SMARCC1: variants seen among roughly 807,000 people sequenced by gnomAD.
SMARCC1 encodes the protein SWI/SNF complex subunit SMARCC1.
In SMARCC1, 43 loss-of-function variants were observed where a neutral mutation model predicts 147.4. The ratio of observed to expected loss-of-function variants is 0.29; its 90% CI spans 0.23 to 0.38. SMARCC1 has a LOEUF of 0.38. Among genes scored for constraint, SMARCC1 ranks in the 10% least tolerant of loss-of-function variants. The probability of loss-of-function intolerance (pLI) is 1.00; values close to 1 mark genes in which losing one functional copy is unlikely to be tolerated. For synonymous variants in SMARCC1, 495 were observed against 484.4 expected (o/e 1.02, Z -0.29); for missense variants, 1,119 against 1,381.1 (o/e 0.81, Z 3.01).
chr3:47,710,657 A>G, intron 9 of SMARCC1, 26 bp downstream of exon 9: 1 of 1,610,294 alleles, frequency 6.2e-7, no homozygotes, highest in Non-Finnish European at 8.5e-7. Context: ...AGACTTAATG[A>G]TGAGAAACTG....
intron 22 of SMARCC1, among the ~76,000 whole-genome samples, chr3:47,638,185 C>T (rs950141269): frequency 6.6e-6 from 1 of 152,096 alleles, no homozygotes; most frequent in South Asian, 2.1e-4. Flanking sequence ...CTGTCTCTCC[C>T]GGGTTCACGC....
At chr3:47,674,513 T>C (rs2033544068) in intron 18 of SMARCC1, among the ~76,000 whole-genome samples, 2 of 152,248 alleles carry the variant, frequency 1.3e-5, no homozygotes, top group Admixed American at 6.5e-5. Flanking sequence ...TTATTGTTCT[T>C]TTGAATGTAA....
chr3:47,737,766 T>C (rs1354722439), intron 4 of SMARCC1, among the ~76,000 whole-genome samples: 1 of 151,658 alleles, frequency 6.6e-6, no homozygotes, highest in African/African-American at 2.4e-5. Context: ...CACCATTCTC[T>C]TGCCTCAGCC....
intron 26 of SMARCC1, among the ~76,000 whole-genome samples, chr3:47,600,802 T>C (rs985174957): frequency 5.3e-5 from 8 of 152,134 alleles, no homozygotes; most frequent in African/African-American, 1.9e-4. Flanking sequence ...TGGTGTCTGA[T>C]ATAGGTCTCA....
intron 11 of SMARCC1, 71 bp from the exon 12 acceptor site, chr3:47,693,371 T>A: frequency 1.2e-6 from 1 of 861,924 alleles, no homozygotes; most frequent in Admixed American, 1.9e-5. Flanking sequence ...GAAAACAGAA[T>A]AGGACATGAT....
chr3:47,680,544 C>CTTTTTTTTTTTTTTTTTTTTTTTTTTTT (rs34432748), intron 14 of SMARCC1, 36 bp from the exon 15 acceptor site: 1 of 320,580 alleles, frequency 3.1e-6, no homozygotes, highest in Non-Finnish European at 4.9e-6. Flanking sequence ...TAGGAGTGTT[C>CTTTTTTTTTTTTTTTTTTTTTTTTTTTT]TTTTTTTTTT....
intron 21 of SMARCC1, among the ~76,000 whole-genome samples, chr3:47,654,364 C>T (rs754070439): frequency 1.3e-5 from 2 of 152,162 alleles, no homozygotes; most frequent in Non-Finnish European, 2.9e-5. Flanking sequence ...ACTTCGCCTG[C>T]TAATTTCAGT....
At chr3:47,606,756 C>T (rs1430193767) in intron 26 of SMARCC1, among the ~76,000 whole-genome samples, 3 of 152,028 alleles carry the variant, frequency 2.0e-5, no homozygotes, top group African/African-American at 4.8e-5. Flanking sequence ...TGGAGTGTAA[C>T]GGTGCAGTGT....
chr3:47,619,179 G>A (rs2106681258), intron 25 of SMARCC1, among the ~76,000 whole-genome samples: 1 of 152,302 alleles, frequency 6.6e-6, no homozygotes. Context: ...AGCAGCATCT[G>A]TACAACTGCT....
Position 47,781,603 on chromosome 3 carries a change from C to T in SMARCC1, c.195G>A (p.Lys65=). 1 of 1,526,120 alleles carries T rather than the reference C, an allele frequency of 6.6e-7. No individual in the cohort carries two copies. Among genetic ancestry groups the T allele is most frequent in the Non-Finnish European group, 8.8e-7 (1 of 1,141,548 alleles). 94.5% of individuals were successfully genotyped at this position (1,526,120 alleles called of 1,614,324 possible). A position where few individuals can be genotyped will look rare whatever the true frequency, so the allele number is the denominator to read the frequency against. ...VRVWLGKHYK[K]YVHADAPTNK... is the part of the protein sequence containing the mutation. The stretch of plus-strand genomic sequence containing the variant: ...GGCCCCCACGGGCGCGCGAACCCAC[C>T]TTCTTGTAGTGCTTGCCCAGCCAGA... Residue 65 remains lysine (K), a splice_region_variant and synonymous_variant, in exon 1 of 28, where the codon AAG becomes AAA. Coordinates refer to ENST00000254480, the MANE Select transcript of SMARCC1 (RefSeq NM_003074.4).
chr3:47,597,982 T>C (rs2032318165), intron 26 of SMARCC1, among the ~76,000 whole-genome samples: 1 of 152,172 alleles, frequency 6.6e-6, no homozygotes, highest in African/African-American at 2.4e-5. Context: ...AGGGAAGGTA[T>C]AGAACTCCCA....
chr3:47,781,867 C>G lies in SMARCC1; in HGVS notation c.-70G>C. ...GCGGTGTTTCCCGGTCGTTCCCGCGCGCACCCCCGCGCGCGTAGCCGCCAC... is the reference window on the plus strand; with the variant it reads ...GCGGTGTTTCCCGGTCGTTCCCGCGGGCACCCCCGCGCGCGTAGCCGCCAC... On this transcript the variant is annotated 5_prime_UTR_variant, in exon 1 of 28. Coordinates refer to ENST00000254480, the MANE Select transcript of SMARCC1 (RefSeq NM_003074.4). 2.8e-6 allele frequency: 3 copies of G among 1,083,136 alleles called. No homozygotes were observed. Among genetic ancestry groups the G allele is most frequent in the South Asian group, 3.4e-5 (1 of 29,538 alleles). The allele number at this position is 1,083,136 out of a possible 1,614,324, so 67.1% of individuals were successfully genotyped here.
At chr3:47,728,661 C>CT (rs1349118278) in intron 6 of SMARCC1, among the ~76,000 whole-genome samples, 2 of 152,140 alleles carry the variant, frequency 1.3e-5, no homozygotes, top group African/African-American at 2.4e-5. Context: ...AAACCCAGCA[C>CT]TTTGGGAGGC....
chr3:47,644,023 TA>T (rs912974793), intron 21 of SMARCC1, among the ~76,000 whole-genome samples: 22 of 151,940 alleles, frequency 1.4e-4, no homozygotes, highest in Non-Finnish European at 4.4e-5. Flanking sequence ...TCCATATCTA[TA>T]AAAAAATTAA....
intron 24 of SMARCC1, among the ~76,000 whole-genome samples, chr3:47,634,854 A>T (rs1028450611): frequency 2.6e-5 from 4 of 152,248 alleles, no homozygotes; most frequent in Non-Finnish European, 5.9e-5. Flanking sequence ...GGTAGAAATT[A>T]TTGGAACAAT....
At chr3:47,680,407 TA>T in intron 15 of SMARCC1, 29 bp downstream of exon 15, 1 of 1,528,374 alleles carries the variant, frequency 6.5e-7, no homozygotes, top group Non-Finnish European at 9.0e-7. Context: ...CACAGGCAAA[TA>T]AACAAGTTTT....
At chr3:47,781,128 G>T (rs113025130) in intron 1 of SMARCC1, among the ~76,000 whole-genome samples, 1 of 152,132 alleles carries the variant, frequency 6.6e-6, no homozygotes, top group Non-Finnish European at 1.5e-5. Context: ...ATCCATCCTA[G>T]AATTCATATT....
chr3:47,622,094 G>T, intron 25 of SMARCC1, 113 bp downstream of exon 25: 1 of 921,376 alleles, frequency 1.1e-6, no homozygotes, highest in Non-Finnish European at 1.7e-6. Flanking sequence ...AAGGACAGAA[G>T]TTAGCCATGG....
intron 2 of SMARCC1, among the ~76,000 whole-genome samples, chr3:47,770,145 A>G (rs986086399): frequency 4.0e-5 from 6 of 150,922 alleles, no homozygotes; most frequent in Non-Finnish European, 4.4e-5. Context: ...GGAGAATGGC[A>G]TGAACCCGGT....
Sources: allele counts gnomAD v4.1 joint callset (sites outside exome capture counted in the v4.1 genomes callset), GRCh38; gene constraint gnomAD v4.1.1; transcripts MANE v1.5; gene names NCBI Gene and HGNC (gene_info 2026-07-23, HGNC 2026-07-21).